The following CATSPERB variants were observed in gnomAD, a reference collection of about 807,000 sequenced individuals.
The protein encoded by CATSPERB is catsper channel auxiliary subunit beta, also known as cation channel sperm-associated auxiliary subunit beta.
CATSPERB carries 93 observed loss-of-function variants against 128.3 expected under a neutral mutation model. That is an observed-to-expected ratio of 0.72 (90% CI 0.61 to 0.86). The LOEUF (loss-of-function observed/expected upper bound fraction) is 0.86. Among genes scored for constraint, CATSPERB ranks in the 40% least tolerant of loss-of-function variants. CATSPERB has a pLI of 0.00. For synonymous variants in CATSPERB, 381 were observed against 448.8 expected, an observed-to-expected ratio of 0.85 and a Z score of 1.91; for missense variants, 1,153 against 1,329.5, an observed-to-expected ratio of 0.87 and a Z score of 2.06.
chr14:91,650,883 C>T lies in CATSPERB; in HGVS notation c.1432+8954G>A, dbSNP rs556474804. On this transcript the variant is annotated intron_variant, in intron 15 of 26. Transcript: ENST00000256343. ...TTTCTCCACTTATTTGTTCATTTTA[C>T]ATCTGGGTATGTTTCTATAGTTTAT... Among the ~76,000 whole-genome samples the T allele has an allele frequency of 3.3e-5, 5 of 152,098 alleles. No individual in the cohort carries two copies. The East Asian group carries it at 9.6e-4, about 29-fold the overall frequency.
At chr14:91,649,172 A>T (rs1400564057) in intron 15 of CATSPERB, among the ~76,000 whole-genome samples, 3 of 152,172 alleles carry the variant, frequency 2.0e-5, no homozygotes, top group Non-Finnish European at 4.4e-5. Context: ...ATAAATGAAC[A>T]TTTATGGTGA....
intron 17 of CATSPERB, among the ~76,000 whole-genome samples, chr14:91,631,717 T>A (rs1403054626): frequency 6.6e-6 from 1 of 152,026 alleles, no homozygotes; most frequent in African/African-American, 2.4e-5. Flanking sequence ...AGGGATTTCT[T>A]CAAGGGGACC....
At chr14:91,690,102 C>T (rs973920296) in intron 10 of CATSPERB, among the ~76,000 whole-genome samples, 5 of 152,194 alleles carry the variant, frequency 3.3e-5, no homozygotes, top group Non-Finnish European at 1.5e-5. Context: ...AAGCAATTCT[C>T]ATGCCTCAGC....
At chr14:91,629,754 T>C (rs1480291005) in intron 17 of CATSPERB, among the ~76,000 whole-genome samples, 1 of 152,186 alleles carries the variant, frequency 6.6e-6, no homozygotes, top group Non-Finnish European at 1.5e-5. Context: ...GTCAGGCAGC[T>C]ACCTTAATTA....
At chr14:91,618,040 T>C (rs1240431057) in intron 19 of CATSPERB, among the ~76,000 whole-genome samples, 1 of 152,210 alleles carries the variant, frequency 6.6e-6, no homozygotes, top group Non-Finnish European at 1.5e-5. Context: ...GAATGGCTAC[T>C]CCATAGAGCT....
At position 91,604,859 on chromosome 14, in the gene CATSPERB, T is replaced by C. The variant is rs1227273327; in HGVS notation, c.2709+3435A>G. On this transcript the variant is annotated intron_variant, in intron 22 of 26. Transcript: ENST00000256343. ...GCTATTCTTTGGCCAGTTGTTTTCCTGCCACCTCTTAGATTTCATTCTCTG... is the reference window on the plus strand; with the variant it reads ...GCTATTCTTTGGCCAGTTGTTTTCCCGCCACCTCTTAGATTTCATTCTCTG... The C allele has an allele frequency of 3.7e-5, 52 of 1,418,656 alleles. No individual in the cohort carries two copies. In the Middle Eastern group the frequency reaches 1.1e-3, roughly 29 times the overall value. The allele number at this position is 1,418,656 out of a possible 1,614,324, so 87.9% of individuals were successfully genotyped here.
intron 7 of CATSPERB, among the ~76,000 whole-genome samples, chr14:91,696,885 G>C (rs576387033): frequency 6.6e-6 from 1 of 152,306 alleles, no homozygotes; most frequent in Admixed American, 6.5e-5. Flanking sequence ...GCATACAAAT[G>C]CAGGTATGAT....
At chr14:91,680,829 C>T (rs1895267579) in intron 11 of CATSPERB, among the ~76,000 whole-genome samples, 2 of 152,126 alleles carry the variant, frequency 1.3e-5, no homozygotes, top group South Asian at 4.1e-4. Context: ...CCCCCTTGGC[C>T]AAGGGAACCC....
intron 14 of CATSPERB, among the ~76,000 whole-genome samples, chr14:91,666,710 G>T (rs961341286): frequency 1.3e-5 from 2 of 152,166 alleles, no homozygotes; most frequent in African/African-American, 4.8e-5. Flanking sequence ...TGATGTAAAT[G>T]ACATACTAGG....
chr14:91,688,137 T>C (rs756501215), intron 10 of CATSPERB, among the ~76,000 whole-genome samples: 5 of 152,180 alleles, frequency 3.3e-5, no homozygotes, highest in Non-Finnish European at 5.9e-5. Context: ...ATTAAAGTTC[T>C]TTCTTGAGTA....
intron 10 of CATSPERB, among the ~76,000 whole-genome samples, chr14:91,689,679 C>T (rs1895433834): frequency 6.6e-6 from 1 of 152,060 alleles, no homozygotes; most frequent in Admixed American, 6.5e-5. Context: ...CTCCTTTCTT[C>T]CTTTTTGTAG....
intron 11 of CATSPERB, 115 bp from the exon 12 acceptor site, chr14:91,674,337 CTT>C (rs150648322): frequency 3.1e-6 from 2 of 646,618 alleles, no homozygotes; most frequent in Non-Finnish European, 5.4e-6. Context: ...TGCAAGTAAA[CTT>C]ATGGTAAATG....
At chr14:91,626,315 T>C (rs971014095) in intron 17 of CATSPERB, among the ~76,000 whole-genome samples, 1 of 151,710 alleles carries the variant, frequency 6.6e-6, no homozygotes. Context: ...AAAGTTCATG[T>C]GTTGAAAACA....
At chr14:91,694,264 G>A (rs1895520038) in intron 7 of CATSPERB, among the ~76,000 whole-genome samples, 1 of 151,744 alleles carries the variant, frequency 6.6e-6, no homozygotes, top group Admixed American at 6.6e-5. Context: ...GGGCAACATG[G>A]TATAACCCTG....
rs76253993 is a variant in CATSPERB at position 91,660,618 on chromosome 14, G to A, written c.1288-637C>T. Among the ~76,000 whole-genome samples, 831 of 152,170 alleles carry A rather than the reference G, an allele frequency of 5.5e-3. 19 individuals carry two copies. In the East Asian group the frequency reaches 0.08, roughly 15 times the overall value. The stretch of plus-strand genomic sequence containing the variant: ...TTCCCAGTTGCTACCGCTTTTAATA[G>A]CCTGAGACTCATTCACATGAAGATT... On this transcript the variant is annotated intron_variant, in intron 14 of 26. Coordinates refer to ENST00000256343, the MANE Select transcript of CATSPERB (RefSeq NM_024764.4).
At chr14:91,666,636 G>A (rs1342193725) in intron 14 of CATSPERB, among the ~76,000 whole-genome samples, 3 of 152,150 alleles carry the variant, frequency 2.0e-5, no homozygotes, top group Non-Finnish European at 2.9e-5. Flanking sequence ...TAGTTGTGGC[G>A]GTGGCCGTCT....
At chr14:91,637,875 T>C (rs1894406312) in intron 16 of CATSPERB, among the ~76,000 whole-genome samples, 1 of 151,906 alleles carries the variant, frequency 6.6e-6, no homozygotes, top group African/African-American at 2.4e-5. Flanking sequence ...TGGTGAAAAA[T>C]GAGGTAAATG....
chr14:91,585,260 C>G (rs1387569305), intron 26 of CATSPERB, among the ~76,000 whole-genome samples: 1 of 152,156 alleles, frequency 6.6e-6, no homozygotes, highest in Non-Finnish European at 1.5e-5. Flanking sequence ...AGCGATCCAC[C>G]CACCTTGGCC....
chr14:91,580,950 T>C lies in CATSPERB; in HGVS notation c.3290A>G (p.Gln1097Arg), dbSNP rs1427140366. 1.9e-6 allele frequency: 3 copies of C among 1,614,132 alleles called. No homozygotes were observed. Among genetic ancestry groups the C allele is most frequent in the Non-Finnish European group, 2.5e-6 (3 of 1,180,046 alleles). ...GAGAGAGATACTTGAAAACTTCTCT[T>C]GGTTTCTTCTAATCCATCTTTGGAA... is the stretch of plus-strand genomic sequence containing the variant. ...RTFQRWIRRN[Q>R]EKFSSISLSE... Residue 1097 changes from glutamine (Q) to arginine (R), a missense_variant, in exon 27 of 27, where the codon CAA (glutamine) becomes CGA (arginine). Transcript: ENST00000256343.
Sources: gnomAD v4.1 joint callset for allele counts (sites outside exome capture counted in the v4.1 genomes callset) on GRCh38, gnomAD v4.1.1 for gene constraint, MANE v1.5 for transcripts, NCBI Gene and HGNC (gene_info 2026-07-23, HGNC 2026-07-21) for gene names.